The following ADGB variants were observed in gnomAD, a reference collection of about 807,000 sequenced individuals.
ADGB encodes the protein androglobin.
In ADGB, 172 loss-of-function variants were observed where a neutral mutation model predicts 210.5. The observed-to-expected ratio is 0.82, with a 90% CI of 0.72 to 0.93. ADGB has a LOEUF of 0.93. ADGB is among the 40% of genes least tolerant of loss of function. The probability of loss-of-function intolerance (pLI) is 0.00; values close to 1 mark genes in which losing one functional copy is unlikely to be tolerated. For synonymous variants in ADGB, 658 were observed against 662.7 expected (o/e 0.99, Z 0.11); for missense variants, 2,025 against 1,964.8 (o/e 1.03, Z -0.58).
At chr6:146,651,892 C>A (rs1775708649) in intron 3 of ADGB, among the ~76,000 whole-genome samples, 1 of 152,126 alleles carries the variant, frequency 6.6e-6, no homozygotes, top group African/African-American at 2.4e-5. Context: ...TGAAGCTAAG[C>A]TACTCGATTA....
At chr6:146,775,065 T>C (rs1777702518) in intron 29 of ADGB, among the ~76,000 whole-genome samples, 2 of 152,154 alleles carry the variant, frequency 1.3e-5, no homozygotes, top group Non-Finnish European at 2.9e-5. Flanking sequence ...TGAGCCACCA[T>C]GCTCAGCCAG....
At chr6:146,744,620 A>C (rs1324407727) in intron 25 of ADGB, among the ~76,000 whole-genome samples, 1 of 152,314 alleles carries the variant, frequency 6.6e-6, no homozygotes, top group East Asian at 1.9e-4. Flanking sequence ...ATTCTTCTTA[A>C]GTTTGAAAAA....
intron 2 of ADGB, among the ~76,000 whole-genome samples, chr6:146,641,451 C>T (rs547955645): frequency 2.7e-5 from 4 of 149,624 alleles, no homozygotes; most frequent in East Asian, 2.0e-4. Flanking sequence ...GGCAATCCCA[C>T]GGGAAAAAAA....
chr6:146,754,007 T>C (rs1225788850), intron 27 of ADGB, among the ~76,000 whole-genome samples: 1 of 151,504 alleles, frequency 6.6e-6, no homozygotes, highest in Admixed American at 6.6e-5. Flanking sequence ...TTATTATATT[T>C]GTCCTCAAAA....
chr6:146,807,022 A>G (rs969430085), intron 35 of ADGB, among the ~76,000 whole-genome samples: 5 of 152,208 alleles, frequency 3.3e-5, no homozygotes, highest in Admixed American at 6.5e-5. Context: ...ATATTTTGTC[A>G]AGGATAGCAT....
Position 146,674,331 on chromosome 6 carries a change from T to C in ADGB, c.1087+1864T>C, listed in dbSNP as rs2114905332. 2.0e-5 allele frequency among the ~76,000 whole-genome samples: 3 copies of C among 152,122 alleles called. No individual in the cohort carries two copies. The Middle Eastern group carries it at 0.01, about 517-fold the overall frequency. On this transcript the variant is annotated intron_variant, in intron 8 of 35. Coordinates refer to ENST00000397944, the MANE Select transcript of ADGB (RefSeq NM_024694.4). ...TGTGGGAGGCAGACAGAATATATAT[T>C]TGTGAATCTAGTGAAGGAAAATTGG...
chr6:146,599,121 G>C lies in ADGB; in HGVS notation c.74+7G>C. 6.4e-7 allele frequency: 1 copy of C among 1,551,098 alleles called. No homozygotes were observed. Among genetic ancestry groups the C allele is most frequent in the Non-Finnish European group, 8.7e-7 (1 of 1,146,414 alleles). ...GATCGGATAAATCGAAAGAGTAAGG[G>C]ACCTCTGCCTGTCCGTCCCTCCCCT... On this transcript the variant is annotated splice_region_variant and intron_variant, in intron 1 of 35. Coordinates refer to ENST00000397944, the MANE Select transcript of ADGB (RefSeq NM_024694.4).
chr6:146,794,895 C>A (rs1290434586), intron 33 of ADGB, among the ~76,000 whole-genome samples: 1 of 152,100 alleles, frequency 6.6e-6, no homozygotes, highest in Admixed American at 6.6e-5. Flanking sequence ...GTGGGGACAG[C>A]TTTGTACACT....
intron 17 of ADGB, among the ~76,000 whole-genome samples, chr6:146,721,894 TCCTC>T (rs902503768): frequency 1.3e-5 from 2 of 151,956 alleles, no homozygotes; most frequent in Non-Finnish European, 2.9e-5. Context: ...TGGAGGAACT[TCCTC>T]CCTTTCCAGA....
At chr6:146,805,601 C>T (rs982306432) in intron 35 of ADGB, among the ~76,000 whole-genome samples, 2 of 152,276 alleles carry the variant, frequency 1.3e-5, no homozygotes, top group African/African-American at 4.8e-5. Context: ...TTTTATCCAC[C>T]TTTTGCCTAG....
chr6:146,784,401 GT>G (rs1777843566), intron 30 of ADGB, among the ~76,000 whole-genome samples: 1 of 151,994 alleles, frequency 6.6e-6, no homozygotes, highest in African/African-American at 2.4e-5. Flanking sequence ...ATTACAATTT[GT>G]TTATCCATTC....
chr6:146,748,198 G>A (rs970294588), intron 26 of ADGB, among the ~76,000 whole-genome samples: 3 of 152,154 alleles, frequency 2.0e-5, no homozygotes, highest in Admixed American at 6.5e-5. Flanking sequence ...GCAGCAGTGT[G>A]TTGAATGAAT....
chr6:146,729,522 A>G (rs1466559954), intron 20 of ADGB, among the ~76,000 whole-genome samples: 1 of 151,808 alleles, frequency 6.6e-6, no homozygotes, highest in Non-Finnish European at 1.5e-5. Context: ...TGCAGCCTGA[A>G]CTCCTGGGCT....
At chr6:146,655,392 C>T (rs1775764868) in intron 4 of ADGB, among the ~76,000 whole-genome samples, 1 of 152,122 alleles carries the variant, frequency 6.6e-6, no homozygotes, top group Non-Finnish European at 1.5e-5. Context: ...GTCCTACTTC[C>T]TGTGGGAACT....
Position 146,666,920 on chromosome 6 carries a change from A to C in ADGB, c.839+18A>C, listed in dbSNP as rs1775943976. The C allele has an allele frequency of 1.5e-5, 22 of 1,481,122 alleles. No individual in the cohort carries two copies. The highest frequency in any genetic ancestry group is 2.0e-5 in the Non-Finnish European group (22 of 1,086,324). The allele number at this position is 1,481,122 out of a possible 1,614,324, so 91.7% of individuals were successfully genotyped here. On this transcript the variant is annotated intron_variant, in intron 7 of 35. Coordinates refer to ENST00000397944, the MANE Select transcript of ADGB (RefSeq NM_024694.4). The stretch of plus-strand genomic sequence containing the variant: ...TCTCTTCAGTATGTTTGACTATTAA[A>C]TTGCTCATATCTATTTTTTTTATCT...
rs867296560 is a variant in ADGB at position 146,788,578 on chromosome 6, A to C, written c.4505A>C (p.Glu1502Ala). ...SGGVSSPGKE[E>A]REQSTRKENI... is the part of the protein sequence containing the mutation. Reference sequence around the variant, plus strand: ...GGAGTGTCTTCACCAGGGAAAGAAGAGCGCGAGCAGAGCACACGGAAGGAA... The same window carrying C: ...GGAGTGTCTTCACCAGGGAAAGAAGCGCGCGAGCAGAGCACACGGAAGGAA... Residue 1502 changes from glutamate (E) to alanine (A), a missense_variant, in exon 33 of 36, where the codon GAG becomes GCG. Transcript: ENST00000397944. The C allele has an allele frequency of 6.4e-6, 10 of 1,551,678 alleles. No homozygotes were observed. The highest frequency in any genetic ancestry group is 8.7e-6 in the Non-Finnish European group (10 of 1,146,964).
intron 33 of ADGB, among the ~76,000 whole-genome samples, chr6:146,793,370 C>A (rs577375016): frequency 6.6e-6 from 1 of 152,314 alleles, no homozygotes; most frequent in East Asian, 1.9e-4. Flanking sequence ...AATCCCCCCA[C>A]TAAACAGGAC....
chr6:146,691,443 A>AATATATATATAAATATATAT (rs1397599810), intron 11 of ADGB, among the ~76,000 whole-genome samples, 153 bp downstream of exon 11: 5 of 21,262 alleles, frequency 2.4e-4, no homozygotes, highest in African/African-American at 3.7e-4. Context: ...TATATATATA[A>AATATATATATAAATATATAT]AAATATATAT....
At chr6:146,651,628 T>C (rs914253553) in intron 3 of ADGB, among the ~76,000 whole-genome samples, 2 of 152,130 alleles carry the variant, frequency 1.3e-5, no homozygotes, top group African/African-American at 4.8e-5. Flanking sequence ...GTTGATATCA[T>C]TGATATCATC....
Sources: allele counts gnomAD v4.1 joint callset (sites outside exome capture counted in the v4.1 genomes callset), GRCh38; gene constraint gnomAD v4.1.1; transcripts MANE v1.5; gene names NCBI Gene and HGNC (gene_info 2026-07-23, HGNC 2026-07-21).